Variants in PTPRD observed in about 807,000 individuals in gnomAD.
PTPRD encodes receptor-type tyrosine-protein phosphatase delta.
A neutral mutation model predicts 214.5 loss-of-function variants in PTPRD; 34 were observed. The observed-to-expected ratio is 0.16, with a 90% CI of 0.12 to 0.21. The LOEUF (loss-of-function observed/expected upper bound fraction) is 0.21, where lower values mean the gene tolerates loss of function less well. Ranked by LOEUF, PTPRD falls within the 10% of genes least tolerant of loss-of-function variation. PTPRD has a pLI of 1.00. For synonymous variants in PTPRD, 1,128 were observed against 845.7 expected (o/e 1.33, Z -5.79); for missense variants, 2,545 against 2,398.7 (o/e 1.06, Z -1.27).
intron 2 of PTPRD, among the ~76,000 whole-genome samples, chr9:10,488,875 G>T (rs2099150054): frequency 6.6e-6 from 1 of 152,108 alleles, no homozygotes; most frequent in Non-Finnish European, 1.5e-5. Context: ...TCTGGCACAG[G>T]AGAGGTCCAG....
At chr9:10,526,026 ATT>A in intron 2 of PTPRD, among the ~76,000 whole-genome samples, 1 of 152,192 alleles carries the variant, frequency 6.6e-6, no homozygotes, top group Non-Finnish European at 1.5e-5. Context: ...CCACATTTCA[ATT>A]TACTCAGTAG....
chr9:10,028,826 C>T (rs2096983909), intron 4 of PTPRD, among the ~76,000 whole-genome samples: 1 of 152,310 alleles, frequency 6.6e-6, no homozygotes, highest in Non-Finnish European at 1.5e-5. Context: ...TTCAAGTCGG[C>T]TGCAGACATT....
intron 12 of PTPRD, among the ~76,000 whole-genome samples, chr9:8,704,562 G>C (rs1365933080): frequency 6.6e-6 from 1 of 152,180 alleles, no homozygotes; most frequent in Admixed American, 6.5e-5. Flanking sequence ...TAAAGGTTAA[G>C]TGAGGTGATG....
At chr9:9,727,269 C>G (rs1232063586) in intron 7 of PTPRD, among the ~76,000 whole-genome samples, 3 of 151,928 alleles carry the variant, frequency 2.0e-5, no homozygotes, top group African/African-American at 4.8e-5. Flanking sequence ...GGGCAACATA[C>G]TGAAACCCCA....
chr9:9,416,216 G>A (rs1395614448), intron 8 of PTPRD, among the ~76,000 whole-genome samples: 1 of 152,102 alleles, frequency 6.6e-6, no homozygotes, highest in Non-Finnish European at 1.5e-5. Flanking sequence ...CTCTTCCCCA[G>A]ATCGGTTCTC....
At chr9:8,724,371 A>C (rs73429608) in intron 12 of PTPRD, among the ~76,000 whole-genome samples, 2,943 of 152,250 alleles carry the variant, frequency 0.019, 91 homozygotes, top group African/African-American at 0.063. Context: ...TTTAAGTGTC[A>C]AGCAGTCTAG....
At chr9:9,141,264 T>C (rs2099859982) in intron 10 of PTPRD, among the ~76,000 whole-genome samples, 1 of 144,880 alleles carries the variant, frequency 6.9e-6, no homozygotes. Flanking sequence ...AGGGGAAGAC[T>C]ATTCCCCTGA....
intron 2 of PTPRD, among the ~76,000 whole-genome samples, chr9:10,436,207 A>G (rs1295246786): frequency 6.6e-6 from 1 of 151,856 alleles, no homozygotes; most frequent in Non-Finnish European, 1.5e-5. Context: ...AGTGTTTACA[A>G]TCAAGATAAT....
chr9:10,546,039 C>T (rs143462966), intron 2 of PTPRD, among the ~76,000 whole-genome samples: 1 of 151,990 alleles, frequency 6.6e-6, no homozygotes, highest in East Asian at 1.9e-4. Flanking sequence ...ATATTTTCAG[C>T]AACTCTTATT....
Position 8,331,749 on chromosome 9 carries a change from A to AGCCACATAC in PTPRD, c.5380-22_5380-14dup. On this transcript the variant is annotated splice_polypyrimidine_tract_variant and intron_variant, in intron 43 of 45. Transcript: ENST00000381196. ...GGGACTGGCCGTCCTTTAGAAGGAAAGCCACATACCCGGCCGCAAAGGAAG... is the reference window on the plus strand; with the variant it reads ...GGGACTGGCCGTCCTTTAGAAGGAAAGCCACATACGCCACATACCCGGCCGCAAAGGAAG... 6 of 1,574,986 alleles carry AGCCACATAC rather than the reference A, an allele frequency of 3.8e-6. No individual in the cohort carries two copies. The highest frequency in any genetic ancestry group is 5.2e-6 in the Non-Finnish European group (6 of 1,162,122).
chr9:9,917,141 GAA>G (rs2081087316), intron 5 of PTPRD, among the ~76,000 whole-genome samples: 2 of 149,882 alleles, frequency 1.3e-5, no homozygotes, highest in Non-Finnish European at 3.0e-5. Context: ...ATCTAACAAT[GAA>G]TGTCTAGAAA....
intron 2 of PTPRD, among the ~76,000 whole-genome samples, chr9:10,513,218 T>A (rs2048892618): frequency 6.6e-6 from 1 of 151,936 alleles, no homozygotes; most frequent in Admixed American, 6.6e-5. Context: ...ATGAAGCGTT[T>A]ATTTTAAAAA....
intron 3 of PTPRD, among the ~76,000 whole-genome samples, chr9:10,207,151 T>C (rs940713260): frequency 6.6e-6 from 1 of 152,160 alleles, no homozygotes; most frequent in Admixed American, 6.5e-5. Context: ...TTTATGCTCC[T>C]TCCTGGACAA....
intron 5 of PTPRD, among the ~76,000 whole-genome samples, chr9:9,816,544 T>C (rs1175481463): frequency 6.6e-6 from 1 of 152,090 alleles, no homozygotes; most frequent in African/African-American, 2.4e-5. Context: ...ATTTGAACAA[T>C]ATATTTGAAT....
chr9:8,405,728 G>A (rs1223724899), intron 35 of PTPRD, among the ~76,000 whole-genome samples: 1 of 151,962 alleles, frequency 6.6e-6, no homozygotes, highest in African/African-American at 2.4e-5. Flanking sequence ...TGATAAAACA[G>A]GTTTATACCC....
intron 12 of PTPRD, among the ~76,000 whole-genome samples, chr9:8,670,810 C>T (rs1337938191): frequency 6.6e-6 from 1 of 152,122 alleles, no homozygotes; most frequent in African/African-American, 2.4e-5. Flanking sequence ...ATGTGAAATG[C>T]TACAGAGAGG....
intron 39 of PTPRD, among the ~76,000 whole-genome samples, chr9:8,346,315 G>A (rs978286105): frequency 1.3e-5 from 2 of 152,006 alleles, no homozygotes; most frequent in Non-Finnish European, 2.9e-5. Context: ...TAAAAATAAA[G>A]GTAATATATA....
chr9:8,359,123 C>CA lies in PTPRD; in HGVS notation c.4661+16812dup, dbSNP rs1313543699. On this transcript the variant is annotated intron_variant, in intron 39 of 45. Transcript: ENST00000381196. ...ACTCCGTCTCAAAAAAAAAAAAAAA[C>CA]AAAAAAAAAAAAAAACAAAAAAAAA... Among the ~76,000 whole-genome samples the CA allele has an allele frequency of 2.7e-3, 39 of 14,264 alleles. 2 individuals are homozygous for CA. Among genetic ancestry groups the CA allele is most frequent in the Admixed American group, 0.012 (9 of 758 alleles). The allele number at this position is 14,264 out of a possible 152,430, so 9.4% of individuals were successfully genotyped here. A position where few individuals can be genotyped will look rare whatever the true frequency, so the allele number is the denominator to read the frequency against.
intron 30 of PTPRD, among the ~76,000 whole-genome samples, chr9:8,473,227 T>C (rs531985953): frequency 3.8e-4 from 58 of 152,258 alleles, no homozygotes; most frequent in Non-Finnish European, 5.0e-4. Flanking sequence ...ATACACAGGA[T>C]TACACCAGCT....
Sources: allele counts gnomAD v4.1 joint callset (sites outside exome capture counted in the v4.1 genomes callset), GRCh38; gene constraint gnomAD v4.1.1; transcripts MANE v1.5; gene names NCBI Gene and HGNC (gene_info 2026-07-23, HGNC 2026-07-21).